Variants in NCKAP1L observed in about 807,000 individuals in gnomAD.
The protein encoded by NCKAP1L is nck-associated protein 1-like.
In NCKAP1L, 53 loss-of-function variants were observed where a neutral mutation model predicts 139.2. The observed-to-expected ratio is 0.38, with a 90% CI of 0.31 to 0.48. The LOEUF (loss-of-function observed/expected upper bound fraction) is 0.48. Ranked by LOEUF, NCKAP1L falls within the 20% of genes least tolerant of loss-of-function variation. The pLI is 0.98. For synonymous variants in NCKAP1L, 468 were observed against 499.7 expected, an observed-to-expected ratio of 0.94 and a Z score of 0.85; for missense variants, 1,151 against 1,381.9, an observed-to-expected ratio of 0.83 and a Z score of 2.65.
At chr12:54,498,178 T>C (rs1234837086) in intron 1 of NCKAP1L, among the ~76,000 whole-genome samples, 5 of 152,144 alleles carry the variant, frequency 3.3e-5, no homozygotes, top group African/African-American at 9.7e-5. Flanking sequence ...ACAACAGTGG[T>C]ATTCCAAGTG....
intron 29 of NCKAP1L, 133 bp downstream of exon 29, chr12:54,537,186 A>G (rs1957119850): frequency 1.8e-6 from 1 of 570,274 alleles, no homozygotes; most frequent in Non-Finnish European, 3.1e-6. Context: ...GTAAAGAGTG[A>G]GAAGCTACTA....
In NCKAP1L at chr12:54,546,913, C is replaced by T. The variant is rs1362495124; in HGVS notation, c.*4228C>T. The T allele has an allele frequency of 1.3e-5, 2 of 152,208 alleles. No homozygotes were observed. Among genetic ancestry groups the T allele is most frequent in the African/African-American group, 4.8e-5 (2 of 41,452 alleles). 9.4% of individuals were successfully genotyped at this position (152,208 alleles called of 1,614,324 possible). ...TGAGGCTGCCCCTTTAAATAGCATT[C>T]CCGTAGGAGGCAGATCACATCCATC... On this transcript the variant is annotated 3_prime_UTR_variant, in exon 31 of 31. Coordinates refer to ENST00000293373, the MANE Select transcript of NCKAP1L (RefSeq NM_005337.5).
chr12:54,527,032 T>G (rs1043454984), intron 21 of NCKAP1L, among the ~76,000 whole-genome samples: 1 of 152,178 alleles, frequency 6.6e-6, no homozygotes, highest in African/African-American at 2.4e-5. Flanking sequence ...TTTTTTGGAT[T>G]CTTACTGTTT....
chr12:54,531,510 T>A lies in NCKAP1L; in HGVS notation c.2624T>A (p.Met875Lys). 1.2e-6 allele frequency: 2 copies of A among 1,614,198 alleles called. No individual in the cohort carries two copies. The highest frequency in any genetic ancestry group is 1.7e-6 in the Non-Finnish European group (2 of 1,180,026). Residue 875 changes from methionine (M) to lysine (K), a missense_variant, in exon 24 of 31, where the codon ATG becomes AAG. Transcript: ENST00000293373. ...CTACAGAAGCTGGTGGTGGAAAACA[T>A]GGACATACTTGTTCAGATCAGATCC... ...VELKKLVVEN[M>K]DILVQIRSNF... is the part of the protein sequence containing the mutation.
At chr12:54,518,874 C>A (rs373550069) in intron 14 of NCKAP1L, 40 bp from the exon 15 acceptor site, 9 of 1,561,128 alleles carry the variant, frequency 5.8e-6, no homozygotes, top group African/African-American at 5.4e-5. Context: ...TATTGGTGTG[C>A]TGTTTATTGT....
intron 1 of NCKAP1L, among the ~76,000 whole-genome samples, chr12:54,498,549 C>T (rs778881891): frequency 2.0e-5 from 3 of 151,696 alleles, no homozygotes; most frequent in Admixed American, 6.6e-5. Flanking sequence ...GAGTTCCTGG[C>T]ATAGAAAATA....
At chr12:54,502,594 G>A (rs185183136) in intron 3 of NCKAP1L, among the ~76,000 whole-genome samples, 5 of 152,024 alleles carry the variant, frequency 3.3e-5, no homozygotes, top group Admixed American at 1.3e-4. Context: ...TTTGCTAAGA[G>A]CAAGAATATT....
intron 29 of NCKAP1L, among the ~76,000 whole-genome samples, chr12:54,537,689 G>C (rs1957122736): frequency 6.6e-6 from 1 of 152,176 alleles, no homozygotes; most frequent in African/African-American, 2.4e-5. Context: ...ATCACCTGGA[G>C]AGTTTCTACC....
At chr12:54,514,684 T>G (rs1158561343) in intron 9 of NCKAP1L, among the ~76,000 whole-genome samples, 1 of 152,150 alleles carries the variant, frequency 6.6e-6, no homozygotes, top group Admixed American at 6.5e-5. Flanking sequence ...AAGTAAAGGG[T>G]ATGTACATTT....
At chr12:54,513,306 A>G (rs1258450940) in intron 9 of NCKAP1L, among the ~76,000 whole-genome samples, 1 of 152,230 alleles carries the variant, frequency 6.6e-6, no homozygotes, top group Non-Finnish European at 1.5e-5. Context: ...GGTTAGTTTT[A>G]AACAGGTTGA....
rs1002169942 is a variant in NCKAP1L, at chr12:54,523,762, C to T, written c.2025-63C>T. 2.4e-5 allele frequency: 37 copies of T among 1,568,842 alleles called. No individual in the cohort carries two copies. The Middle Eastern group carries it at 6.9e-4, about 29-fold the overall frequency. On this transcript the variant is annotated intron_variant, in intron 19 of 30. Coordinates refer to ENST00000293373, the MANE Select transcript of NCKAP1L (RefSeq NM_005337.5). ...TAGAAACTGGGTCATGGGCCCAACA[C>T]GTCCTTCCTAGACATTAGCAGGCAG...
chr12:54,509,070 A>G (rs925072886), intron 5 of NCKAP1L, among the ~76,000 whole-genome samples: 3 of 152,214 alleles, frequency 2.0e-5, no homozygotes, highest in Non-Finnish European at 4.4e-5. Context: ...GGTAGGAATA[A>G]TATTAGTAAG....
At chr12:54,506,790 A>ATAT (rs1165268195) in intron 3 of NCKAP1L, among the ~76,000 whole-genome samples, 3 of 27,550 alleles carry the variant, frequency 1.1e-4, no homozygotes, top group African/African-American at 8.3e-4. Context: ...CATATTAAAA[A>ATAT]AAAAAAATAT....
chr12:54,504,873 C>A (rs984775826), intron 3 of NCKAP1L, among the ~76,000 whole-genome samples: 6 of 152,200 alleles, frequency 3.9e-5, no homozygotes, highest in Admixed American at 2.0e-4. Flanking sequence ...TATTTCCGTT[C>A]CCTTCTGATT....
chr12:54,518,550 G>A (rs1319027150), intron 13 of NCKAP1L, 101 bp from the exon 14 acceptor site: 4 of 921,022 alleles, frequency 4.3e-6, no homozygotes, highest in Non-Finnish European at 7.3e-6. Context: ...TTAACACTTA[G>A]CAATTCTTTC....
chr12:54,506,708 C>G (rs961355463), intron 3 of NCKAP1L, among the ~76,000 whole-genome samples: 88 of 146,138 alleles, frequency 6.0e-4, no homozygotes, highest in African/African-American at 2.0e-3. Flanking sequence ...GCTGGGATTA[C>G]AGGTGTGAAC....
intron 3 of NCKAP1L, among the ~76,000 whole-genome samples, chr12:54,502,823 C>CAAAAAAAAAAAAAAAAAA: frequency 1.7e-5 from 1 of 57,958 alleles, no homozygotes; most frequent in Non-Finnish European, 3.0e-5. Context: ...CCCATCTACA[C>CAAAAAAAAAAAAAAAAAA]AAAAAAAAAA....
chr12:54,528,649 G>A (rs1957045008), intron 22 of NCKAP1L, among the ~76,000 whole-genome samples: 1 of 149,998 alleles, frequency 6.7e-6, no homozygotes, highest in Admixed American at 6.6e-5. Context: ...TTTTTGAGAT[G>A]GAGTCTCGCT....
chr12:54,501,909 G>A lies in NCKAP1L; in HGVS notation c.306+1284G>A, dbSNP rs532876015. 8.5e-5 allele frequency among the ~76,000 whole-genome samples: 13 copies of A among 152,154 alleles called. No individual in the cohort carries two copies. The East Asian group carries it at 1.7e-3, about 20-fold the overall frequency. On this transcript the variant is annotated intron_variant, in intron 3 of 30. Coordinates refer to ENST00000293373, the MANE Select transcript of NCKAP1L (RefSeq NM_005337.5). Reference sequence around the variant, plus strand: ...CATCCTCGCCAACAATTGTTATTTCGTTTTTTTGACAGTAGCCATCCCAGT... The same window carrying A: ...CATCCTCGCCAACAATTGTTATTTCATTTTTTTGACAGTAGCCATCCCAGT...
Sources: gnomAD v4.1 joint callset for allele counts (sites outside exome capture counted in the v4.1 genomes callset) on GRCh38, gnomAD v4.1.1 for gene constraint, MANE v1.5 for transcripts, NCBI Gene and HGNC (gene_info 2026-07-23, HGNC 2026-07-21) for gene names.